SH3RF3: variants seen among roughly 807,000 people sequenced by gnomAD.
SH3RF3 encodes the protein SH3 domain containing ring finger 3.
A neutral mutation model predicts 66.3 loss-of-function variants in SH3RF3; 29 were observed. The observed-to-expected ratio is 0.44, with a 90% CI of 0.33 to 0.60. SH3RF3 has a LOEUF of 0.60. Ranked by LOEUF, SH3RF3 falls within the 20% of genes least tolerant of loss-of-function variation. The pLI is 0.04. For missense variants in SH3RF3, 1,194 were observed against 1,190.9 expected, an observed-to-expected ratio of 1.00 and a Z score of -0.04; for synonymous variants, 583 against 532.0, an observed-to-expected ratio of 1.10 and a Z score of -1.32.
intron 1 of SH3RF3, among the ~76,000 whole-genome samples, chr2:109,264,994 CTCTG>C (rs1207300924): frequency 6.6e-6 from 1 of 152,216 alleles, no homozygotes; most frequent in East Asian, 1.9e-4. Context: ...TAGCCGCATG[CTCTG>C]TCTTAGAGGC....
At chr2:109,148,044 C>G (rs1201864228) in intron 1 of SH3RF3, among the ~76,000 whole-genome samples, 2 of 152,158 alleles carry the variant, frequency 1.3e-5, no homozygotes, top group Non-Finnish European at 2.9e-5. Context: ...TGGTTTGTTG[C>G]ATGGTGACTG....
In SH3RF3 at chr2:109,398,813, G is replaced by A; in HGVS notation, c.1169G>A (p.Arg390Lys). 6.2e-7 allele frequency: 1 copy of A among 1,613,892 alleles called. No homozygotes were observed. Among genetic ancestry groups the A allele is most frequent in the Non-Finnish European group, 8.5e-7 (1 of 1,179,866 alleles). ...TTCACCGCGCTCAGTGTGACGCACA[G>A]ATCCTCCCAGGCTGCCAGCCACAGG... is the stretch of plus-strand genomic sequence containing the variant. ...HSFTALSVTH[R>K]SSQAASHRHS... Residue 390 changes from arginine (R) to lysine (K), a missense_variant, in exon 4 of 10, where the codon AGA (arginine) becomes AAA (lysine). Coordinates refer to ENST00000309415, the MANE Select transcript of SH3RF3 (RefSeq NM_001099289.3).
chr2:109,444,498 C>A lies in SH3RF3; in HGVS notation c.1829-4672C>A, dbSNP rs141514829. Among the ~76,000 whole-genome samples, 518 of 152,278 alleles carry A rather than the reference C, an allele frequency of 3.4e-3. 3 individuals carry two copies. Among genetic ancestry groups the A allele is most frequent in the African/African-American group, 0.012 (483 of 41,550 alleles). ...GGGACCAGAGCTAGGTGTGCCAGTT[C>A]TAAAAATTCCATCATTTTCCAGGGG... On this transcript the variant is annotated intron_variant, in intron 7 of 9. Coordinates refer to ENST00000309415, the MANE Select transcript of SH3RF3 (RefSeq NM_001099289.3).
chr2:109,355,179 C>T (rs1246502672), intron 2 of SH3RF3, among the ~76,000 whole-genome samples: 5 of 152,178 alleles, frequency 3.3e-5, no homozygotes, highest in Non-Finnish European at 7.3e-5. Context: ...TACGGGCCCA[C>T]AGTGAGTAAT....
chr2:109,307,889 T>A (rs1366730359), intron 1 of SH3RF3, among the ~76,000 whole-genome samples: 3 of 124,844 alleles, frequency 2.4e-5, no homozygotes, highest in South Asian at 2.6e-4. Context: ...AACATACGTG[T>A]GCATGTGTCT....
At chr2:109,452,481 C>T (rs1453077180) in intron 8 of SH3RF3, among the ~76,000 whole-genome samples, 2 of 152,232 alleles carry the variant, frequency 1.3e-5, no homozygotes, top group Non-Finnish European at 2.9e-5. Flanking sequence ...CTCAGTGCAG[C>T]GCAGTTTCCT....
intron 1 of SH3RF3, among the ~76,000 whole-genome samples, chr2:109,272,016 A>G (rs17035275): frequency 0.02 from 3,047 of 152,230 alleles, 90 homozygotes; most frequent in African/African-American, 0.07. Context: ...GGTGAACCAT[A>G]TCTTGACACT....
intron 8 of SH3RF3, among the ~76,000 whole-genome samples, chr2:109,487,635 G>A (rs1162213080): frequency 6.6e-6 from 1 of 152,164 alleles, no homozygotes; most frequent in Non-Finnish European, 1.5e-5. Flanking sequence ...GGGCCTGACT[G>A]CATATACTCT....
At chr2:109,446,310 T>C (rs894321930) in intron 7 of SH3RF3, among the ~76,000 whole-genome samples, 4 of 152,262 alleles carry the variant, frequency 2.6e-5, no homozygotes, top group Admixed American at 1.3e-4. Flanking sequence ...ATTCAAAAAA[T>C]GTACAGAGCA....
intron 4 of SH3RF3, among the ~76,000 whole-genome samples, chr2:109,401,152 A>C (rs1676303106): frequency 6.6e-6 from 1 of 152,130 alleles, no homozygotes; most frequent in African/African-American, 2.4e-5. Context: ...TGGTGCTAAG[A>C]CTGGGGGGAG....
chr2:109,491,597 T>A (rs1679133033), intron 9 of SH3RF3, among the ~76,000 whole-genome samples: 1 of 152,122 alleles, frequency 6.6e-6, no homozygotes, highest in African/African-American at 2.4e-5. Flanking sequence ...GGGCTGCAGG[T>A]GCTTGGGTTT....
chr2:109,233,939 A>G (rs1477186742), intron 1 of SH3RF3, among the ~76,000 whole-genome samples: 1 of 152,226 alleles, frequency 6.6e-6, no homozygotes, highest in African/African-American at 2.4e-5. Context: ...CACAGTTTGC[A>G]TATCCATTTA....
intron 1 of SH3RF3, among the ~76,000 whole-genome samples, chr2:109,135,666 A>G (rs1350746275): frequency 6.6e-6 from 1 of 151,958 alleles, no homozygotes; most frequent in Non-Finnish European, 1.5e-5. Flanking sequence ...GTGGATGTGC[A>G]TGGGGGGGTG....
chr2:109,206,490 C>CAAAAAAAAAA (rs36060217), intron 1 of SH3RF3, among the ~76,000 whole-genome samples: 11 of 40,756 alleles, frequency 2.7e-4, no homozygotes, highest in African/African-American at 8.9e-4. Context: ...GACTCCGTCT[C>CAAAAAAAAAA]AAAAAAAAAA....
At chr2:109,312,075 G>A (rs1228402182) in intron 1 of SH3RF3, among the ~76,000 whole-genome samples, 1 of 152,184 alleles carries the variant, frequency 6.6e-6, no homozygotes, top group Non-Finnish European at 1.5e-5. Flanking sequence ...GAACCTTGGT[G>A]TATGTGTTTT....
At chr2:109,230,937 AG>A (rs1475149339) in intron 1 of SH3RF3, among the ~76,000 whole-genome samples, 1 of 152,212 alleles carries the variant, frequency 6.6e-6, no homozygotes, top group African/African-American at 2.4e-5. Flanking sequence ...ACAGGAAGGC[AG>A]GATAGGTCAA....
At chr2:109,498,368 C>T (rs1327661377) in intron 9 of SH3RF3, among the ~76,000 whole-genome samples, 4 of 152,334 alleles carry the variant, frequency 2.6e-5, no homozygotes, top group Non-Finnish European at 5.9e-5. Context: ...TCCATGCCTC[C>T]TCCTCTTGCC....
intron 1 of SH3RF3, among the ~76,000 whole-genome samples, chr2:109,160,695 A>G (rs1314474341): frequency 2.6e-5 from 4 of 152,198 alleles, no homozygotes; most frequent in Non-Finnish European, 5.9e-5. Flanking sequence ...CTCTGACTGC[A>G]GGGGCTGTGC....
At position 109,310,061 on chromosome 2, in the gene SH3RF3, C is replaced by T. The variant is rs550646657; in HGVS notation, c.574-37613C>T. On this transcript the variant is annotated intron_variant, in intron 1 of 9. Coordinates refer to ENST00000309415, the MANE Select transcript of SH3RF3 (RefSeq NM_001099289.3). ...ACATTTTTTTCAGCACCACACCACACCTATTCCAAAATTGACCACATGGTT... is the reference window on the plus strand; with the variant it reads ...ACATTTTTTTCAGCACCACACCACATCTATTCCAAAATTGACCACATGGTT... Among the ~76,000 whole-genome samples, 25 of 114,238 alleles carry T rather than the reference C, an allele frequency of 2.2e-4. 2 individuals carry two copies. The highest frequency in any genetic ancestry group is 4.3e-3 in the Middle Eastern group (1 of 230). The allele number at this position is 114,238 out of a possible 152,430, so 74.9% of individuals were successfully genotyped here. A position where few individuals can be genotyped will look rare whatever the true frequency, so the allele number is the denominator to read the frequency against.
Sources: allele counts gnomAD v4.1 joint callset (sites outside exome capture counted in the v4.1 genomes callset), GRCh38; gene constraint gnomAD v4.1.1; transcripts MANE v1.5; gene names NCBI Gene and HGNC (gene_info 2026-07-23, HGNC 2026-07-21).